PCDH9: variants seen among roughly 807,000 people sequenced by gnomAD.
PCDH9 encodes the protein protocadherin-9.
Under a neutral mutation model 70.6 loss-of-function variants are expected in PCDH9, and 24 were observed. That is an observed-to-expected ratio of 0.34 (90% CI 0.25 to 0.48). The LOEUF (loss-of-function observed/expected upper bound fraction) is 0.48. Ranked by LOEUF, PCDH9 falls within the 20% of genes least tolerant of loss-of-function variation. The pLI is 0.99. For missense variants in PCDH9, 1,281 were observed against 1,503.6 expected, an observed-to-expected ratio of 0.85 and a Z score of 2.45; for synonymous variants, 562 against 558.5, an observed-to-expected ratio of 1.01 and a Z score of -0.09.
At chr13:66,382,193 A>ATCT (rs1260274439) in intron 4 of PCDH9, among the ~76,000 whole-genome samples, 1 of 152,240 alleles carries the variant, frequency 6.6e-6, no homozygotes, top group Admixed American at 6.5e-5. Context: ...TAAACTTTTC[A>ATCT]TCTTCTAAAT....
chr13:66,629,560 C>T (rs190944390), intron 4 of PCDH9, among the ~76,000 whole-genome samples: 106 of 152,286 alleles, frequency 7.0e-4, no homozygotes, highest in Admixed American at 1.4e-3. Context: ...GAGGATAGTT[C>T]TTGTTCTCCC....
intron 3 of PCDH9, among the ~76,000 whole-genome samples, chr13:66,753,900 T>C (rs1702538062): frequency 6.6e-6 from 1 of 152,188 alleles, no homozygotes; most frequent in Non-Finnish European, 1.5e-5. Flanking sequence ...AACACAAAAT[T>C]TGTTGTAATA....
chr13:67,168,396 G>A (rs1223496670), intron 2 of PCDH9, among the ~76,000 whole-genome samples: 4 of 152,040 alleles, frequency 2.6e-5, no homozygotes, highest in African/African-American at 9.7e-5. Context: ...TTCTATACTA[G>A]GAATACTAAC....
In PCDH9 at chr13:66,636,209, A is replaced by C. The variant is rs574919990; in HGVS notation, c.3139-4798T>G. 3.9e-5 allele frequency among the ~76,000 whole-genome samples: 6 copies of C among 152,292 alleles called. No individual in the cohort carries two copies. In the South Asian group the frequency reaches 1.2e-3, roughly 32 times the overall value. On this transcript the variant is annotated intron_variant, in intron 3 of 4. Coordinates refer to ENST00000377865, the MANE Select transcript of PCDH9 (RefSeq NM_203487.3). ...TTTGACCACACTAAAATTTCAACAC[A>C]TTATCTTTGTAATAATAAAACATAT...
At chr13:66,513,406 T>G (rs997727742) in intron 4 of PCDH9, among the ~76,000 whole-genome samples, 3 of 152,082 alleles carry the variant, frequency 2.0e-5, no homozygotes, top group Non-Finnish European at 2.9e-5. Flanking sequence ...TACATTTCTT[T>G]CAAACTACCT....
intron 4 of PCDH9, among the ~76,000 whole-genome samples, chr13:66,368,674 T>G (rs1245848204): frequency 2.0e-5 from 3 of 152,020 alleles, no homozygotes; most frequent in Admixed American, 2.0e-4. Flanking sequence ...ATATGATTAG[T>G]GTATTAGTCC....
intron 4 of PCDH9, among the ~76,000 whole-genome samples, chr13:66,602,825 A>G (rs1006542866): frequency 1.4e-5 from 2 of 145,880 alleles, no homozygotes; most frequent in Admixed American, 6.9e-5. Context: ...AATGACCTAT[A>G]TAAGTATACC....
intron 4 of PCDH9, among the ~76,000 whole-genome samples, chr13:66,371,072 C>A (rs1777236139): frequency 6.6e-6 from 1 of 151,984 alleles, no homozygotes; most frequent in Non-Finnish European, 1.5e-5. Context: ...TAAATGTTCC[C>A]TTTTGATTAT....
At chr13:66,810,025 A>T (rs957478176) in intron 3 of PCDH9, among the ~76,000 whole-genome samples, 1 of 152,158 alleles carries the variant, frequency 6.6e-6, no homozygotes, top group East Asian at 1.9e-4. Flanking sequence ...TTAAACATAG[A>T]GGAGAATATA....
chr13:66,686,478 A>G (rs2078404083), intron 3 of PCDH9, among the ~76,000 whole-genome samples: 1 of 152,212 alleles, frequency 6.6e-6, no homozygotes, highest in African/African-American at 2.4e-5. Flanking sequence ...AGAATGAACT[A>G]ATACATCATC....
chr13:66,903,615 A>T lies in PCDH9; in HGVS notation c.3037-10T>A. Reference sequence around the variant, plus strand: ...TGCTGTGTGAGTTACACTGAAAGAGATTACCAAATAATTGTGACAAACTAC... The same window carrying T: ...TGCTGTGTGAGTTACACTGAAAGAGTTTACCAAATAATTGTGACAAACTAC... On this transcript the variant is annotated splice_polypyrimidine_tract_variant and intron_variant, in intron 2 of 4. Coordinates refer to ENST00000377865, the MANE Select transcript of PCDH9 (RefSeq NM_203487.3). 7.5e-6 allele frequency: 9 copies of T among 1,192,518 alleles called. No homozygotes were observed. The highest frequency in any genetic ancestry group is 1.1e-5 in the Non-Finnish European group (9 of 800,756). 73.9% of individuals were successfully genotyped at this position (1,192,518 alleles called of 1,614,324 possible).
intron 4 of PCDH9, among the ~76,000 whole-genome samples, chr13:66,427,071 G>A (rs1471643495): frequency 6.6e-6 from 1 of 151,454 alleles, no homozygotes. Context: ...CAATTTTATA[G>A]TTGTTTTGAA....
chr13:66,407,578 G>A (rs1957300959), intron 4 of PCDH9, among the ~76,000 whole-genome samples: 1 of 152,036 alleles, frequency 6.6e-6, no homozygotes, highest in East Asian at 1.9e-4. Context: ...AACATTTCAA[G>A]GCATCACATC....
intron 2 of PCDH9, among the ~76,000 whole-genome samples, chr13:67,095,661 T>C (rs955999062): frequency 7.9e-5 from 12 of 152,316 alleles, no homozygotes; most frequent in African/African-American, 2.9e-4. Context: ...ATGGAATTCC[T>C]GTTGCAAGGA....
Position 66,304,426 on chromosome 13 carries a change from G to T in PCDH9, c.*229C>A. On this transcript the variant is annotated 3_prime_UTR_variant, in exon 5 of 5. Transcript: ENST00000377865. Reference sequence around the variant, plus strand: ...AATAATAAAAAAAATTTGCACAATGGAGAGATCTCTGGAGAGTGTAATCAA... The same window carrying T: ...AATAATAAAAAAAATTTGCACAATGTAGAGATCTCTGGAGAGTGTAATCAA... 2.2e-6 allele frequency: 1 copy of T among 458,738 alleles called. No individual in the cohort carries two copies. The highest frequency in any genetic ancestry group is 3.9e-6 in the Non-Finnish European group (1 of 258,806). The allele number at this position is 458,738 out of a possible 1,614,324, so 28.4% of individuals were successfully genotyped here.
chr13:66,615,405 T>C lies in PCDH9; in HGVS notation c.3340+15805A>G, dbSNP rs1011851517. ...TCTGAGTATATGCTATCAATCATAA[T>C]TAAAGTTGTTATCTTAAGTTATTGT... is the stretch of plus-strand genomic sequence containing the variant. On this transcript the variant is annotated intron_variant, in intron 4 of 4. Coordinates refer to ENST00000377865, the MANE Select transcript of PCDH9 (RefSeq NM_203487.3). Among the ~76,000 whole-genome samples, 6 of 152,348 alleles carry C rather than the reference T, an allele frequency of 3.9e-5. No individual in the cohort carries two copies. The East Asian group carries it at 1.2e-3, about 29-fold the overall frequency.
intron 2 of PCDH9, among the ~76,000 whole-genome samples, chr13:67,041,766 G>A (rs907812053): frequency 2.0e-5 from 3 of 149,318 alleles, no homozygotes; most frequent in Non-Finnish European, 4.4e-5. Flanking sequence ...AGGAGTCAGA[G>A]CTTGCAGTGA....
At chr13:67,196,101 C>T (rs1466399542) in intron 2 of PCDH9, among the ~76,000 whole-genome samples, 2 of 152,124 alleles carry the variant, frequency 1.3e-5, no homozygotes, top group African/African-American at 4.8e-5. Context: ...TCTATGGATA[C>T]ATCACTTAAT....
rs569718161 is a variant in PCDH9, at chr13:66,468,010, C to G, written c.3341-162982G>C. 2.0e-5 allele frequency among the ~76,000 whole-genome samples: 3 copies of G among 152,090 alleles called. No individual in the cohort carries two copies. The East Asian group carries it at 5.8e-4, about 29-fold the overall frequency. ...CTGCCCCCTTTTCTTCCTGAAGTCT[C>G]CTAAATTTGTATTGCTGCCCTATCA... is the stretch of plus-strand genomic sequence containing the variant. On this transcript the variant is annotated intron_variant, in intron 4 of 4. Transcript: ENST00000377865.
Sources: allele counts gnomAD v4.1 joint callset (sites outside exome capture counted in the v4.1 genomes callset), GRCh38; gene constraint gnomAD v4.1.1; transcripts MANE v1.5; gene names NCBI Gene and HGNC (gene_info 2026-07-23, HGNC 2026-07-21).